SND1: variants seen among roughly 807,000 people sequenced by gnomAD.
SND1 encodes the protein staphylococcal nuclease and tudor domain containing 1.
A neutral mutation model predicts 121.7 loss-of-function variants in SND1; 38 were observed. The ratio of observed to expected loss-of-function variants is 0.31; its 90% CI spans 0.24 to 0.41. The LOEUF (loss-of-function observed/expected upper bound fraction) is 0.41. Among genes scored for constraint, SND1 ranks in the 10% least tolerant of loss-of-function variants. The probability of loss-of-function intolerance (pLI) is 1.00; values close to 1 mark genes in which losing one functional copy is unlikely to be tolerated. For missense variants in SND1, 868 were observed against 1,184.6 expected, an observed-to-expected ratio of 0.73 and a Z score of 3.92; for synonymous variants, 401 against 447.4, an observed-to-expected ratio of 0.90 and a Z score of 1.31.
intron 1 of SND1, among the ~76,000 whole-genome samples, chr7:127,667,086 A>G (rs967033469): frequency 6.6e-6 from 1 of 152,132 alleles, no homozygotes; most frequent in African/African-American, 2.4e-5. Flanking sequence ...GAGTTTGGAA[A>G]ATAAGTGGGG....
At chr7:127,809,102 A>G (rs1430494322) in intron 11 of SND1, among the ~76,000 whole-genome samples, 1 of 152,196 alleles carries the variant, frequency 6.6e-6, no homozygotes, top group African/African-American at 2.4e-5. Flanking sequence ...TTGGAAGGTT[A>G]GACCAAGGTT....
intron 16 of SND1, chr7:127,997,993 C>T (rs374319244): frequency 7.5e-6 from 4 of 531,462 alleles, no homozygotes; most frequent in Non-Finnish European, 1.6e-5. Context: ...CAATAGTATA[C>T]AAGGGATCTA....
At chr7:127,732,939 C>T (rs1182918056) in intron 10 of SND1, among the ~76,000 whole-genome samples, 2 of 152,096 alleles carry the variant, frequency 1.3e-5, no homozygotes, top group Non-Finnish European at 2.9e-5. Context: ...TAAATAGTGG[C>T]GGGAGGTTTC....
intron 16 of SND1, among the ~76,000 whole-genome samples, chr7:128,040,437 T>TAAAAAAAAAAAA (rs67595921): frequency 9.1e-5 from 3 of 32,870 alleles, no homozygotes; most frequent in African/African-American, 2.4e-4. Flanking sequence ...GTCCTATCTT[T>TAAAAAAAAAAAA]AAAAAAAAAA....
chr7:127,821,074 G>A (rs1486144397), intron 11 of SND1, among the ~76,000 whole-genome samples: 1 of 152,184 alleles, frequency 6.6e-6, no homozygotes, highest in Non-Finnish European at 1.5e-5. Context: ...TGTTCTCAGC[G>A]AGATGATATT....
At chr7:127,700,804 G>T (rs1286413380) in intron 4 of SND1, among the ~76,000 whole-genome samples, 1 of 152,070 alleles carries the variant, frequency 6.6e-6, no homozygotes, top group Non-Finnish European at 1.5e-5. Context: ...AGCTGTGCCT[G>T]GGATTCCAGT....
At chr7:127,866,830 C>T (rs1228161203) in intron 12 of SND1, among the ~76,000 whole-genome samples, 1 of 152,160 alleles carries the variant, frequency 6.6e-6, no homozygotes, top group East Asian at 1.9e-4. Flanking sequence ...CAGGAAGATG[C>T]CTTTAACTTC....
At chr7:127,920,858 C>CAAAAAAAAAAA (rs34784173) in intron 14 of SND1, among the ~76,000 whole-genome samples, 1 of 120,424 alleles carries the variant, frequency 8.3e-6, no homozygotes, top group Non-Finnish European at 1.7e-5. Context: ...CTTATCTTAA[C>CAAAAAAAAAAA]AAAAAAAAAA....
At chr7:127,954,224 CA>C (rs765935896) in intron 15 of SND1, among the ~76,000 whole-genome samples, 2 of 152,080 alleles carry the variant, frequency 1.3e-5, no homozygotes, top group Non-Finnish European at 2.9e-5. Context: ...CAGCAGGAAA[CA>C]AAACAAAAGC....
chr7:128,084,919 G>A lies in SND1; in HGVS notation c.2234+72G>A, dbSNP rs569391998. 6.1e-5 allele frequency: 90 copies of A among 1,481,070 alleles called. 1 individual carries two copies. The East Asian group carries it at 1.5e-3, about 24-fold the overall frequency. 91.7% of individuals were successfully genotyped at this position (1,481,070 alleles called of 1,614,324 possible). On this transcript the variant is annotated intron_variant, in intron 19 of 23. Transcript: ENST00000354725. ...GCAGGGCTGTCCTCAGGCCTCAGGT[G>A]TTGCCTTAGCAGTCTGGTTTCCCCA...
intron 10 of SND1, among the ~76,000 whole-genome samples, chr7:127,722,169 T>C (rs1796505984): frequency 6.6e-6 from 1 of 152,206 alleles, no homozygotes; most frequent in Admixed American, 6.5e-5. Flanking sequence ...GTCTGATAAC[T>C]AAACTGTGTG....
chr7:127,885,558 A>G (rs1406056297), intron 12 of SND1, among the ~76,000 whole-genome samples: 1 of 152,124 alleles, frequency 6.6e-6, no homozygotes, highest in Non-Finnish European at 1.5e-5. Context: ...TGGTTTGTAG[A>G]CATTTGCTGA....
intron 12 of SND1, among the ~76,000 whole-genome samples, chr7:127,849,443 T>C (rs1002747781): frequency 6.6e-6 from 1 of 152,192 alleles, no homozygotes; most frequent in African/African-American, 2.4e-5. Flanking sequence ...AGAAAATGTG[T>C]TCACATTTAG....
Position 128,092,102 on chromosome 7 carries a change from C to A in SND1, c.*44C>A, listed in dbSNP as rs1793792516. On this transcript the variant is annotated 3_prime_UTR_variant, in exon 24 of 24. Coordinates refer to ENST00000354725, the MANE Select transcript of SND1 (RefSeq NM_014390.4). The surrounding 1 kb of genome is among the most constrained non-coding windows in gnomAD (Gnocchi z 4.9). ...CCCCCAGCCCCGCTCACGCCAGTCC[C>A]TCTTCCTCTGCCGGGAGGGTGTTTT... 1 of 1,595,840 alleles carries A rather than the reference C, an allele frequency of 6.3e-7. No individual in the cohort carries two copies. The highest frequency in any genetic ancestry group is 8.6e-7 in the Non-Finnish European group (1 of 1,163,736).
intron 12 of SND1, among the ~76,000 whole-genome samples, chr7:127,855,482 A>G (rs1489722688): frequency 1.3e-5 from 2 of 151,428 alleles, no homozygotes; most frequent in East Asian, 4.0e-4. Flanking sequence ...ACTATTAGAT[A>G]CTGTGTAATC....
At position 128,081,346 on chromosome 7, in the gene SND1, G is replaced by A. The variant is rs202074691; in HGVS notation, c.1969-14G>A. 4.2e-5 allele frequency: 67 copies of A among 1,613,706 alleles called. No homozygotes were observed. Among genetic ancestry groups the A allele is most frequent in the Non-Finnish European group, 5.1e-5 (60 of 1,179,918 alleles). On this transcript the variant is annotated splice_polypyrimidine_tract_variant and intron_variant, in intron 17 of 23. Transcript: ENST00000354725. ...TCCTCGCCCTCTTCTCACCTCTGCC[G>A]ACTGAACATGCAGGTCTGGGCCCAC...
chr7:127,864,492 T>G (rs1799432574), intron 12 of SND1, among the ~76,000 whole-genome samples: 1 of 152,100 alleles, frequency 6.6e-6, no homozygotes, highest in African/African-American at 2.4e-5. Context: ...ATTCTCATAT[T>G]TTGTTCAATG....
At chr7:127,959,580 A>G (rs1256248986) in intron 15 of SND1, among the ~76,000 whole-genome samples, 3 of 152,048 alleles carry the variant, frequency 2.0e-5, no homozygotes, top group African/African-American at 7.3e-5. Flanking sequence ...CAGTCCTTCT[A>G]CTACTTCAGA....
intron 15 of SND1, among the ~76,000 whole-genome samples, chr7:127,949,527 A>G (rs1490538997): frequency 6.6e-6 from 1 of 152,240 alleles, no homozygotes; most frequent in Non-Finnish European, 1.5e-5. Flanking sequence ...GAACAAAAAA[A>G]CTGTGTGGGT....
Sources: gnomAD v4.1 joint callset for allele counts (sites outside exome capture counted in the v4.1 genomes callset) on GRCh38, gnomAD v4.1.1 for gene constraint, Gnocchi (gnomAD v3.1) non-coding constraint, MANE v1.5 for transcripts, NCBI Gene and HGNC (gene_info 2026-07-23, HGNC 2026-07-21) for gene names.